WFDC3: variants seen among roughly 807,000 people sequenced by gnomAD.
WFDC3 encodes the protein WAP four-disulfide core domain 3.
A neutral mutation model predicts 25.8 loss-of-function variants in WFDC3; 15 were observed. That is an observed-to-expected ratio of 0.58 (90% CI 0.39 to 0.89). WFDC3 has a LOEUF of 0.89. WFDC3 is among the 40% of genes least tolerant of loss of function. The probability of loss-of-function intolerance (pLI) is 0.00; values close to 1 mark genes in which losing one functional copy is unlikely to be tolerated. For missense variants in WFDC3, 264 were observed against 289.8 expected, an observed-to-expected ratio of 0.91 and a Z score of 0.65; for synonymous variants, 103 against 107.1, an observed-to-expected ratio of 0.96 and a Z score of 0.24.
rs569226189 is a variant in WFDC3 at position 45,779,110 on chromosome 20, T to C, written c.359-1901A>G. Among the ~76,000 whole-genome samples, 340 of 152,316 alleles carry C rather than the reference T, an allele frequency of 2.2e-3. 2 individuals are homozygous for C. Among genetic ancestry groups the C allele is most frequent in the Non-Finnish European group, 1.9e-3 (132 of 68,030 alleles). On this transcript the variant is annotated intron_variant, in intron 4 of 6. Coordinates refer to ENST00000243938, the MANE Select transcript of WFDC3 (RefSeq NM_080614.2). Reference sequence around the variant, plus strand: ...CCTCTTGATTTGCGGTAAAGTACTTTTTCTACTACACTATCCTTAAAACAT... The same window carrying C: ...CCTCTTGATTTGCGGTAAAGTACTTCTTCTACTACACTATCCTTAAAACAT...
chr20:45,785,447 C>G (rs4625980), intron 4 of WFDC3, among the ~76,000 whole-genome samples: 1 of 144,514 alleles, frequency 6.9e-6, no homozygotes, highest in African/African-American at 2.6e-5. Context: ...CCTGCCTGGG[C>G]GACAGCCTGT....
chr20:45,787,901 A>G lies in WFDC3; in HGVS notation c.293T>C (p.Val98Ala), dbSNP rs563789367. The change falls in exon 4 of 7, where the codon GTA becomes GCA. Residue 98 changes from valine to alanine, a missense_variant. By Grantham distance (64) the Val-to-Ala change is moderately conservative (BLOSUM62 0). Coordinates refer to ENST00000243938, the MANE Select transcript of WFDC3 (RefSeq NM_080614.2). Reference sequence around the variant, plus strand: ...GCAGCCAAGCGTGCAGCATTTCTTTACACCTGGACATGTCTCATCAGTGAT... The same window carrying G: ...GCAGCCAAGCGTGCAGCATTTCTTTGCACCTGGACATGTCTCATCAGTGAT... ...RCITDETCPG[V>A]KKCCTLGCNK... The G allele has an allele frequency of 1.2e-5, 20 of 1,614,128 alleles. 2 individuals are homozygous for G. The South Asian group carries it at 2.1e-4, about 17-fold the overall frequency.
chr20:45,790,006 G>T, intron 1 of WFDC3, 24 bp from the exon 2 acceptor site: 2 of 1,598,810 alleles, frequency 1.3e-6, no homozygotes, highest in Non-Finnish European at 1.7e-6. Context: ...CAAGAGCTCA[G>T]TTCAGGCTAG....
At chr20:45,788,859 C>T in intron 3 of WFDC3, 72 bp downstream of exon 3, 1 of 1,518,398 alleles carries the variant, frequency 6.6e-7, no homozygotes, top group Non-Finnish European at 8.8e-7. Context: ...AGGTGGGAAG[C>T]TCTCTACTTC....
chr20:45,780,858 C>A (rs1470113708), intron 4 of WFDC3, among the ~76,000 whole-genome samples: 1 of 152,188 alleles, frequency 6.6e-6, no homozygotes, highest in South Asian at 2.1e-4. Context: ...GAGAGACAGA[C>A]AACTAGAGAG....
intron 4 of WFDC3, 42 bp downstream of exon 4, chr20:45,787,794 C>A: frequency 6.4e-7 from 1 of 1,555,930 alleles, no homozygotes. Context: ...AATAAACAAG[C>A]AGACCAAACA....
chr20:45,791,329 C>T (rs1375284265), intron 1 of WFDC3, among the ~76,000 whole-genome samples: 1 of 142,676 alleles, frequency 7.0e-6, no homozygotes, highest in Non-Finnish European at 1.5e-5. Flanking sequence ...GACAGTCTCC[C>T]TCTGTCGCCC....
Position 45,787,093 on chromosome 20 carries a change from C to CAA in WFDC3, c.358+741_358+742dup, listed in dbSNP as rs71181858. On this transcript the variant is annotated intron_variant, in intron 4 of 6. Coordinates refer to ENST00000243938, the MANE Select transcript of WFDC3 (RefSeq NM_080614.2). Reference sequence around the variant, plus strand: ...TGGGAGACAGAGCAAGACTCTCTCTCAAAAAAAAAAAAAAAAAAAAAAAAA... The same window carrying CAA: ...TGGGAGACAGAGCAAGACTCTCTCTCAAAAAAAAAAAAAAAAAAAAAAAAAAA... Among the ~76,000 whole-genome samples the CAA allele has an allele frequency of 2.1e-3, 55 of 26,782 alleles. 3 individuals are homozygous for CAA. The highest frequency in any genetic ancestry group is 3.9e-3 in the Admixed American group (7 of 1,808). 17.6% of individuals were successfully genotyped at this position (26,782 alleles called of 152,430 possible).
intron 4 of WFDC3, among the ~76,000 whole-genome samples, chr20:45,779,068 G>A (rs1244542860): frequency 6.6e-6 from 1 of 152,174 alleles, no homozygotes; most frequent in African/African-American, 2.4e-5. Context: ...TCAGCAGCAA[G>A]GCAGGACAAC....
At chr20:45,779,098 G>A (rs1053373307) in intron 4 of WFDC3, among the ~76,000 whole-genome samples, 5 of 152,170 alleles carry the variant, frequency 3.3e-5, no homozygotes, top group South Asian at 2.1e-4. Context: ...CTTGATTTGC[G>A]GTAAAGTACT....
At chr20:45,776,991 A>G in intron 5 of WFDC3, 84 bp downstream of exon 5, 1 of 1,601,994 alleles carries the variant, frequency 6.2e-7, no homozygotes, top group Non-Finnish European at 8.5e-7. Context: ...GAAGGATGAG[A>G]ATCCTAGCTC....
At chr20:45,779,011 A>G (rs1164732666) in intron 4 of WFDC3, among the ~76,000 whole-genome samples, 1 of 152,232 alleles carries the variant, frequency 6.6e-6, no homozygotes, top group East Asian at 1.9e-4. Context: ...CACATTTCCT[A>G]TGAAAATAAA....
At chr20:45,790,132 CAAG>C (rs947085903) in intron 1 of WFDC3, 150 bp from the exon 2 acceptor site, 5 of 581,960 alleles carry the variant, frequency 8.6e-6, no homozygotes, top group African/African-American at 7.5e-5. Flanking sequence ...CTTCTCCTGA[CAAG>C]AAGAAGAGGG....
chr20:45,783,958 G>A (rs1980562021), intron 4 of WFDC3, among the ~76,000 whole-genome samples: 1 of 152,172 alleles, frequency 6.6e-6, no homozygotes, highest in Admixed American at 6.5e-5. Context: ...GCTCAGCCCA[G>A]CAGGCTCTGG....
At chr20:45,788,850 G>A in intron 3 of WFDC3, 81 bp downstream of exon 3, 2 of 1,511,338 alleles carry the variant, frequency 1.3e-6, no homozygotes, top group East Asian at 2.4e-5. Flanking sequence ...CAACCTAGAA[G>A]GTGGGAAGCT....
chr20:45,774,257 T>C lies in WFDC3; in HGVS notation c.*171A>G. ...GGAAAGAGAAGCACCACACACCCACTACCCAATCCAGGGCTATTTCCCATG... is the reference window on the plus strand; with the variant it reads ...GGAAAGAGAAGCACCACACACCCACCACCCAATCCAGGGCTATTTCCCATG... On this transcript the variant is annotated 3_prime_UTR_variant, in exon 7 of 7. Coordinates refer to ENST00000243938, the MANE Select transcript of WFDC3 (RefSeq NM_080614.2). The C allele has an allele frequency of 1.2e-6, 1 of 845,790 alleles. No homozygotes were observed. The highest frequency in any genetic ancestry group is 1.9e-6 in the Non-Finnish European group (1 of 520,528). The allele number at this position is 845,790 out of a possible 1,614,324, so 52.4% of individuals were successfully genotyped here. A position where few individuals can be genotyped will look rare whatever the true frequency, so the allele number is the denominator to read the frequency against.
intron 4 of WFDC3, among the ~76,000 whole-genome samples, chr20:45,783,158 A>G (rs1318352736): frequency 6.6e-6 from 1 of 152,186 alleles, no homozygotes; most frequent in African/African-American, 2.4e-5. Flanking sequence ...AGCCACACTC[A>G]ATATACAGTG....
intron 4 of WFDC3, among the ~76,000 whole-genome samples, chr20:45,781,392 G>T (rs1216625996): frequency 6.6e-6 from 1 of 152,210 alleles, no homozygotes; most frequent in East Asian, 1.9e-4. Flanking sequence ...AGTTTTAGAG[G>T]TTAGGAAAAG....
Position 45,775,585 on chromosome 20 carries a change from G to C in WFDC3, c.511C>G (p.Pro171Ala). The C allele has an allele frequency of 6.2e-7, 1 of 1,614,100 alleles. No individual in the cohort carries two copies. Among genetic ancestry groups the C allele is most frequent in the Non-Finnish European group, 8.5e-7 (1 of 1,180,014 alleles). ...DIEGGRGGDC[P>A]KVLVGLCIVG... ...ATGCACAGGCCCACCAGAACTTTTGGACAATCACCGCCCCGCCCTGTGGGA... is the reference window on the plus strand; with the variant it reads ...ATGCACAGGCCCACCAGAACTTTTGCACAATCACCGCCCCGCCCTGTGGGA... Residue 171 changes from proline to alanine, a missense_variant, in exon 6 of 7, where the codon CCA (proline) becomes GCA (alanine). Physicochemically the swap from Pro to Ala is conservative, Grantham distance 27. Coordinates refer to ENST00000243938, the MANE Select transcript of WFDC3 (RefSeq NM_080614.2).
Sources: allele counts gnomAD v4.1 joint callset (sites outside exome capture counted in the v4.1 genomes callset), GRCh38; gene constraint gnomAD v4.1.1; transcripts MANE v1.5; gene names NCBI Gene and HGNC (gene_info 2026-07-23, HGNC 2026-07-21).